LIMS2: variants seen among roughly 807,000 people sequenced by gnomAD.
The protein encoded by LIMS2 is LIM zinc finger domain containing 2.
LIMS2 carries 30 observed loss-of-function variants against 45.3 expected under a neutral mutation model. The observed-to-expected ratio is 0.66, with a 90% confidence interval of 0.50 to 0.90. LIMS2 has a LOEUF of 0.90. Among genes scored for constraint, LIMS2 ranks in the 40% least tolerant of loss-of-function variants. LIMS2 has a pLI of 0.00. For missense variants in LIMS2, 485 were observed against 468.7 expected (o/e 1.03, Z -0.32); for synonymous variants, 173 against 188.0 (o/e 0.92, Z 0.65).
chr2:127,657,095 C>T (rs1573817382), intron 2 of LIMS2, among the ~76,000 whole-genome samples: 2 of 152,254 alleles, frequency 1.3e-5, no homozygotes, highest in South Asian at 4.1e-4. Flanking sequence ...GGTTGCTGTG[C>T]TCACTGTCTA....
intron 1 of LIMS2, among the ~76,000 whole-genome samples, chr2:127,658,553 G>A (rs1684413408): frequency 1.3e-5 from 2 of 152,330 alleles, no homozygotes; most frequent in South Asian, 2.1e-4. Context: ...AAAGCCCACA[G>A]TGAGCCAGGC....
intron 1 of LIMS2, among the ~76,000 whole-genome samples, chr2:127,658,696 C>T (rs1455052329): frequency 1.3e-5 from 2 of 152,210 alleles, no homozygotes; most frequent in Non-Finnish European, 2.9e-5. Flanking sequence ...TACCCCACAC[C>T]TTTTGCTAGG....
At chr2:127,666,310 C>T (rs971401415) in intron 1 of LIMS2, among the ~76,000 whole-genome samples, 1 of 152,136 alleles carries the variant, frequency 6.6e-6, no homozygotes, top group Admixed American at 6.5e-5. Flanking sequence ...TCTTTCAGAA[C>T]TCTGCAAATC....
chr2:127,640,989 C>T lies in LIMS2; in HGVS notation c.661-1G>A. On this transcript the variant is annotated splice_acceptor_variant, in intron 6 of 9. Transcript: ENST00000355119. LOFTEE classifies it high-confidence loss of function. ...TCTCACACTTGGCACAGACAAAGTGCTGCAAGGACAAAGGGCGGGCCGGGT... is the reference window on the plus strand; with the variant it reads ...TCTCACACTTGGCACAGACAAAGTGTTGCAAGGACAAAGGGCGGGCCGGGT... 1.9e-6 allele frequency: 3 copies of T among 1,613,616 alleles called. No individual in the cohort carries two copies. Among genetic ancestry groups the T allele is most frequent in the Non-Finnish European group, 2.5e-6 (3 of 1,179,768 alleles).
chr2:127,659,874 G>A (rs1684498382), intron 1 of LIMS2, among the ~76,000 whole-genome samples: 1 of 152,172 alleles, frequency 6.6e-6, no homozygotes, highest in African/African-American at 2.4e-5. Context: ...TGCCCCCTCT[G>A]GCTTCCAGCT....
chr2:127,669,816 A>T (rs1165992868), intron 1 of LIMS2, among the ~76,000 whole-genome samples: 1 of 152,250 alleles, frequency 6.6e-6, no homozygotes, highest in Non-Finnish European at 1.5e-5. Context: ...AACCCGATTT[A>T]AAAAATGGGC....
chr2:127,673,860 C>A, intron 1 of LIMS2: 1 of 850,938 alleles, frequency 1.2e-6, no homozygotes, highest in Admixed American at 2.0e-5. Flanking sequence ...CCTGCAGATG[C>A]CACTCTCCGG....
At chr2:127,673,254 C>T (rs1685352299) in intron 1 of LIMS2, among the ~76,000 whole-genome samples, 1 of 152,204 alleles carries the variant, frequency 6.6e-6, no homozygotes, top group Admixed American at 6.5e-5. Context: ...AAGGGAGGCT[C>T]TTGGGAGTGG....
chr2:127,658,263 G>T (rs1020918036), intron 1 of LIMS2, among the ~76,000 whole-genome samples: 1 of 152,230 alleles, frequency 6.6e-6, no homozygotes, highest in African/African-American at 2.4e-5. Flanking sequence ...GCCAGGTGTG[G>T]TGGTGCAAGC....
chr2:127,640,092 A>G lies in LIMS2; in HGVS notation c.856T>C (p.Cys286Arg). The G allele has an allele frequency of 3.1e-6, 5 of 1,613,522 alleles. No individual in the cohort carries two copies. The highest frequency in any genetic ancestry group is 4.2e-6 in the Non-Finnish European group (5 of 1,179,992). Residue 286 changes from cysteine to arginine, a missense_variant, in exon 9 of 10, where the codon TGC becomes CGC. Coordinates refer to ENST00000355119, the MANE Select transcript of LIMS2 (RefSeq NM_001161403.3). ...WCVSCFSCST[C>R]NSKLTLKNKF... ...CACTTCAGGGTGAGCTTGCTGTTGC[A>G]GGTGGAGCAGGAGAAGCAGCTCACA...
intron 1 of LIMS2, 68 bp downstream of exon 1, chr2:127,674,946 G>C (rs1262579421): frequency 8.2e-7 from 1 of 1,225,358 alleles, no homozygotes; most frequent in Non-Finnish European, 1.0e-6. Context: ...ACGAGGGCGA[G>C]CTGCGCCTCG....
chr2:127,677,004 A>T (rs1433800275), upstream of LIMS2, among the ~76,000 whole-genome samples: 2 of 152,194 alleles, frequency 1.3e-5, no homozygotes, highest in Admixed American at 1.3e-4. This position sits in a 1 kb window ranked among gnomAD's most constrained non-coding sequence, Gnocchi z 5.0. Flanking sequence ...ACGGATCTGT[A>T]TGTGGCCAAA....
intron 4 of LIMS2, chr2:127,648,292 G>T: frequency 1.5e-6 from 1 of 649,600 alleles, no homozygotes; most frequent in Admixed American, 6.3e-5. Flanking sequence ...TTCAGGTAGG[G>T]GAACCTGCCT....
intron 1 of LIMS2, among the ~76,000 whole-genome samples, chr2:127,661,459 G>C (rs563331581): frequency 2.0e-5 from 3 of 152,216 alleles, no homozygotes; most frequent in Admixed American, 6.5e-5. Flanking sequence ...GGCTGCCTGC[G>C]GTCCCTGCGA....
In LIMS2 at chr2:127,640,097, G is replaced by C; in HGVS notation, c.851C>G (p.Ser284Cys). The change falls in exon 9 of 10, where the codon TCC becomes TGC. Residue 284 changes from serine (S) to cysteine (C), a missense_variant. Coordinates refer to ENST00000355119, the MANE Select transcript of LIMS2 (RefSeq NM_001161403.3). ...CAGGGTGAGCTTGCTGTTGCAGGTG[G>C]AGCAGGAGAAGCAGCTCACACACCA... ...KAWCVSCFSC[S>C]TCNSKLTLKN... The C allele has an allele frequency of 6.2e-7, 1 of 1,613,524 alleles. No homozygotes were observed. Among genetic ancestry groups the C allele is most frequent in the Non-Finnish European group, 8.5e-7 (1 of 1,180,000 alleles).
chr2:127,675,966 A>G (rs978319047), upstream of LIMS2, among the ~76,000 whole-genome samples: 5 of 152,276 alleles, frequency 3.3e-5, no homozygotes, highest in Admixed American at 2.6e-4. Flanking sequence ...CCAGGTTTCC[A>G]GGGGAACCAG....
At chr2:127,651,114 G>A (rs199832157) in intron 4 of LIMS2, 122 of 1,613,356 alleles carry the variant, frequency 7.6e-5, no homozygotes, top group East Asian at 4.5e-4. Context: ...CTGCATCAGC[G>A]CCGACCGTTT....
At position 127,647,251 on chromosome 2, in the gene LIMS2, G is replaced by T. The variant is rs3771296; in HGVS notation, c.360-4179C>A. On this transcript the variant is annotated intron_variant, in intron 4 of 9. Coordinates refer to ENST00000355119, the MANE Select transcript of LIMS2 (RefSeq NM_001161403.3). This position sits in a 1 kb window ranked among gnomAD's most constrained non-coding sequence, Gnocchi z 4.3. ...GAGGGAGTGGCCCCAGGGCCAGGAGGGGGTGCTGAGCCTGGGAGACAACTC... is the reference window on the plus strand; with the variant it reads ...GAGGGAGTGGCCCCAGGGCCAGGAGTGGGTGCTGAGCCTGGGAGACAACTC... Among the ~76,000 whole-genome samples the T allele has an allele frequency of 5.9e-5, 9 of 152,130 alleles. No individual in the cohort carries two copies. Among genetic ancestry groups the T allele is most frequent in the East Asian group, 1.9e-4 (1 of 5,158 alleles).
At chr2:127,677,543 G>A (rs80237894), upstream of LIMS2, among the ~76,000 whole-genome samples, 1 of 152,138 alleles carries the variant, frequency 6.6e-6, no homozygotes, top group African/African-American at 2.4e-5. The surrounding 1 kb of genome is among the most constrained non-coding windows in gnomAD (Gnocchi z 5.0). Context: ...GAGGTGACAT[G>A]AGCTTGGGGT....
Sources: gnomAD v4.1 joint callset for allele counts (sites outside exome capture counted in the v4.1 genomes callset) on GRCh38, gnomAD v4.1.1 for gene constraint, Gnocchi (gnomAD v3.1) non-coding constraint, MANE v1.5 for transcripts, NCBI Gene and HGNC (gene_info 2026-07-23, HGNC 2026-07-21) for gene names.